Variants in COLGALT1 observed in about 807,000 individuals in gnomAD.
COLGALT1 encodes the protein collagen beta(1-O)galactosyltransferase 1.
COLGALT1 carries 43 observed loss-of-function variants against 60.8 expected under a neutral mutation model. That is an observed-to-expected ratio of 0.71 (90% CI 0.55 to 0.91). The LOEUF (loss-of-function observed/expected upper bound fraction) is 0.91. Ranked by LOEUF, COLGALT1 falls within the 40% of genes least tolerant of loss-of-function variation. The probability of loss-of-function intolerance (pLI) is 0.00; values close to 1 mark genes in which losing one functional copy is unlikely to be tolerated. For synonymous variants in COLGALT1, 369 were observed against 374.2 expected (o/e 0.99, Z 0.16); for missense variants, 845 against 880.0 (o/e 0.96, Z 0.50).
chr19:17,560,437 C>G lies in COLGALT1; in HGVS notation c.461C>G (p.Ala154Gly), dbSNP rs776469405. Residue 154 changes from alanine (A) to glycine (G), a missense_variant, in exon 3 of 12, where the codon GCT becomes GGT. By Grantham distance (60) the Ala-to-Gly change is moderately conservative. Coordinates refer to ENST00000252599, the MANE Select transcript of COLGALT1 (RefSeq NM_024656.4). ...TTGCGCCAGGCAGCCCTGAAATCAG[C>G]TCGAGACATGTGGGCTGATTACATC... is the stretch of plus-strand genomic sequence containing the variant. ...MKLRQAALKS[A>G]RDMWADYILF... 3 of 1,614,168 alleles carry G rather than the reference C, an allele frequency of 1.9e-6. No homozygotes were observed. The highest frequency in any genetic ancestry group is 2.5e-6 in the Non-Finnish European group (3 of 1,180,018).
At chr19:17,565,122 G>A (rs1008305921) in intron 3 of COLGALT1, among the ~76,000 whole-genome samples, 2 of 151,686 alleles carry the variant, frequency 1.3e-5, no homozygotes, top group South Asian at 2.1e-4. Flanking sequence ...ATCCGTTGAT[G>A]GACACACTTC....
chr19:17,574,462 T>A lies in COLGALT1; in HGVS notation c.949+1860T>A, dbSNP rs568504846. 2.6e-5 allele frequency among the ~76,000 whole-genome samples: 4 copies of A among 151,782 alleles called. No individual in the cohort carries two copies. In the South Asian group the frequency reaches 8.3e-4, roughly 32 times the overall value. ...TCCCCTGCCTCAGCCTCCCGAGTAG[T>A]TGGGATTACAGGTACCTGCCACCAC... On this transcript the variant is annotated intron_variant, in intron 6 of 11. Coordinates refer to ENST00000252599, the MANE Select transcript of COLGALT1 (RefSeq NM_024656.4).
rs781554244 is a variant in COLGALT1 at position 17,560,393 on chromosome 19, C to A, written c.417C>A (p.Arg139=). 6.2e-7 allele frequency: 1 copy of A among 1,614,172 alleles called. No homozygotes were observed. Among genetic ancestry groups the A allele is most frequent in the Admixed American group, 1.7e-5 (1 of 60,008 alleles). ...GCCCGAAACACTGGTCTGACTCACG[C>A]TACGAGCATGTCATGAAGTTGCGCC... ...EEGPKHWSDS[R]YEHVMKLRQA... The change falls in exon 3 of 12, where the codon CGC becomes CGA. Residue 139 remains arginine (R), a synonymous_variant. Transcript: ENST00000252599.
Position 17,568,493 on chromosome 19 carries a change from C to T in COLGALT1, c.625-16C>T, listed in dbSNP as rs376490239. 19 of 1,610,254 alleles carry T rather than the reference C, an allele frequency of 1.2e-5. No homozygotes were observed. The highest frequency in any genetic ancestry group is 4.4e-5 in the South Asian group (4 of 91,022). ...TTTCAAGACCCCTACGCGGAACTCT[C>T]GCTCTCTCCCCACAGGGCTACTACA... On this transcript the variant is annotated splice_polypyrimidine_tract_variant and intron_variant, in intron 4 of 11. Transcript: ENST00000252599.
chr19:17,575,964 C>T (rs2076338176), intron 6 of COLGALT1, among the ~76,000 whole-genome samples: 2 of 152,162 alleles, frequency 1.3e-5, no homozygotes, highest in African/African-American at 2.4e-5. Context: ...CACCCCATGA[C>T]ATAGTGCATG....
Position 17,555,734 on chromosome 19 carries a change from G to C in COLGALT1, c.21G>C (p.Ala7=), listed in dbSNP as rs1599772494. 4 of 1,201,766 alleles carry C rather than the reference G, an allele frequency of 3.3e-6. No individual in the cohort carries two copies. The highest frequency in any genetic ancestry group is 1.6e-5 in the African/African-American group (1 of 62,920). 74.4% of individuals were successfully genotyped at this position (1,201,766 alleles called of 1,614,324 possible). Residue 7 remains alanine, a synonymous_variant, in exon 1 of 12, where the codon GCG becomes GCC. Transcript: ENST00000252599. MAAAPR[A]GRRRGQPLLA... The stretch of plus-strand genomic sequence containing the variant: ...GCGCGATGGCGGCGGCCCCACGCGC[G>C]GGCCGGCGGCGCGGGCAGCCGCTCC...
At position 17,555,791 on chromosome 19, in the gene COLGALT1, G is replaced by GCCGCCGGGGGCC; in HGVS notation, c.87_98dup (p.Pro31_Ala34dup). On this transcript the variant is annotated inframe_insertion, in exon 1 of 12. Coordinates refer to ENST00000252599, the MANE Select transcript of COLGALT1 (RefSeq NM_024656.4). ...TGCTGCTTCTGCTGCTGGCGCCACT[G>GCCGCCGGGGGCC]CCGCCGGGGGCCCCGCCGGGCGCCG... 1 of 1,245,904 alleles carries GCCGCCGGGGGCC rather than the reference G, an allele frequency of 8.0e-7. No homozygotes were observed. Among genetic ancestry groups the GCCGCCGGGGGCC allele is most frequent in the Non-Finnish European group, 1.0e-6 (1 of 994,894 alleles). 77.2% of individuals were successfully genotyped at this position (1,245,904 alleles called of 1,614,324 possible).
Position 17,578,091 on chromosome 19 carries a change from T to A in COLGALT1, c.1266+2T>A, listed in dbSNP as rs757696808. ...AGCCACTACAACATCTGGAAGGAGG[T>A]GTGTCCTGAGTGATGGGCGGGGCCA... On this transcript the variant is annotated splice_donor_variant, in intron 9 of 11. Coordinates refer to ENST00000252599, the MANE Select transcript of COLGALT1 (RefSeq NM_024656.4). LOFTEE classifies it high-confidence loss of function. 1.9e-6 allele frequency: 3 copies of A among 1,602,406 alleles called. No individual in the cohort carries two copies. In the Admixed American group the frequency reaches 5.0e-5, roughly 27 times the overall value.
intron 4 of COLGALT1, among the ~76,000 whole-genome samples, chr19:17,567,900 G>T (rs2144828131): frequency 6.6e-6 from 1 of 152,234 alleles, no homozygotes; most frequent in East Asian, 1.9e-4. Context: ...AGTGAGCCGA[G>T]ATCACGCCAC....
chr19:17,577,886 G>A, intron 8 of COLGALT1, 71 bp from the exon 9 acceptor site: 3 of 1,548,514 alleles, frequency 1.9e-6, no homozygotes, highest in Non-Finnish European at 2.6e-6. Context: ...AGGGGGTGGT[G>A]GAATGGCCGG....
At chr19:17,568,181 C>T (rs763372299) in intron 4 of COLGALT1, among the ~76,000 whole-genome samples, 1 of 152,164 alleles carries the variant, frequency 6.6e-6, no homozygotes, top group Admixed American at 6.6e-5. Flanking sequence ...CTGTCTTTCT[C>T]CATCCTTTGG....
chr19:17,578,865 T>C (rs2076361118), intron 9 of COLGALT1, among the ~76,000 whole-genome samples: 1 of 151,952 alleles, frequency 6.6e-6, no homozygotes, highest in Admixed American at 6.6e-5. Flanking sequence ...ACAAAAATTA[T>C]CTGGGTGTGG....
Position 17,568,685 on chromosome 19 carries a change from C to T in COLGALT1, c.801C>T (p.Ile267=), listed in dbSNP as rs566348196. ...PDYTWSFDDI[I]VFAFSCKQAE... ...ACACCTGGTCCTTTGACGACATCATCGTCTTTGCCTTCTCCTGCAAGCAGG... is the reference window on the plus strand; with the variant it reads ...ACACCTGGTCCTTTGACGACATCATTGTCTTTGCCTTCTCCTGCAAGCAGG... Residue 267 remains isoleucine (I), a synonymous_variant, in exon 5 of 12, where the codon ATC becomes ATT. Coordinates refer to ENST00000252599, the MANE Select transcript of COLGALT1 (RefSeq NM_024656.4). The T allele has an allele frequency of 2.1e-5, 34 of 1,614,206 alleles. No homozygotes were observed. The highest frequency in any genetic ancestry group is 1.2e-4 in the South Asian group (11 of 91,082).
At chr19:17,568,014 G>A (rs1328623674) in intron 4 of COLGALT1, among the ~76,000 whole-genome samples, 2 of 152,074 alleles carry the variant, frequency 1.3e-5, no homozygotes, top group Non-Finnish European at 1.5e-5. Context: ...CCAGACAGGA[G>A]GGAAGAATAG....
intron 4 of COLGALT1, among the ~76,000 whole-genome samples, chr19:17,567,801 T>C (rs1031569119): frequency 6.6e-6 from 1 of 150,932 alleles, no homozygotes; most frequent in African/African-American, 2.4e-5. Context: ...TTACAGAAAT[T>C]AGCCGGGTAT....
chr19:17,556,141 C>T (rs1213755388), intron 1 of COLGALT1, among the ~76,000 whole-genome samples, 168 bp downstream of exon 1: 1 of 151,696 alleles, frequency 6.6e-6, no homozygotes, highest in Non-Finnish European at 1.5e-5. Flanking sequence ...TGCCCCTGCC[C>T]GCTGCCCCCA....
chr19:17,578,176 C>G, intron 9 of COLGALT1, 87 bp downstream of exon 9: 1 of 1,391,674 alleles, frequency 7.2e-7, no homozygotes. Flanking sequence ...AAGAGTTCCC[C>G]AAAGCCCCGG....
At chr19:17,568,839 G>C in intron 5 of COLGALT1, 126 bp downstream of exon 5, 1 of 891,284 alleles carries the variant, frequency 1.1e-6, no homozygotes, top group South Asian at 1.5e-5. Context: ...GCTGACTTCA[G>C]GTGCAGCTGT....
intron 4 of COLGALT1, among the ~76,000 whole-genome samples, chr19:17,568,118 T>C (rs981077908): frequency 1.3e-5 from 2 of 152,002 alleles, no homozygotes; most frequent in Non-Finnish European, 2.9e-5. Context: ...AGCTAGCAAG[T>C]GGTGGTGTCA....
Sources: gnomAD v4.1 joint callset for allele counts (sites outside exome capture counted in the v4.1 genomes callset) on GRCh38, gnomAD v4.1.1 for gene constraint, MANE v1.5 for transcripts, NCBI Gene and HGNC (gene_info 2026-07-23, HGNC 2026-07-21) for gene names.